Variants in ALK observed in about 807,000 individuals in gnomAD.
ALK encodes ALK tyrosine kinase receptor.
A neutral mutation model predicts 163.1 loss-of-function variants in ALK; 74 were observed. The observed-to-expected ratio is 0.45, with a 90% CI of 0.38 to 0.55. The LOEUF (loss-of-function observed/expected upper bound fraction) is 0.55. Ranked by LOEUF, ALK falls within the 20% of genes least tolerant of loss-of-function variation. The pLI, the probability that ALK is intolerant of heterozygous loss-of-function variation, is 0.00. For missense variants in ALK, 2,063 were observed against 2,105.3 expected, an observed-to-expected ratio of 0.98 and a Z score of 0.39; for synonymous variants, 960 against 843.2, an observed-to-expected ratio of 1.14 and a Z score of -2.40.
intron 3 of ALK, among the ~76,000 whole-genome samples, chr2:29,567,659 C>A (rs530056920): frequency 2.0e-5 from 3 of 152,100 alleles, no homozygotes; most frequent in Admixed American, 6.5e-5. Flanking sequence ...ACAGACTCCC[C>A]GAAACCATTC....
At chr2:29,280,966 T>C (rs546662212) in intron 9 of ALK, among the ~76,000 whole-genome samples, 2 of 152,074 alleles carry the variant, frequency 1.3e-5, no homozygotes, top group Non-Finnish European at 2.9e-5. Context: ...TGAACCACTC[T>C]CGGACCGAGG....
intron 3 of ALK, among the ~76,000 whole-genome samples, chr2:29,560,455 C>T (rs1035012525): frequency 4.6e-5 from 7 of 152,122 alleles, no homozygotes; most frequent in South Asian, 4.1e-4. Flanking sequence ...GCAAATGAGC[C>T]GAAGGCCTTT....
At chr2:29,373,963 C>T (rs1668693756) in intron 5 of ALK, among the ~76,000 whole-genome samples, 1 of 152,242 alleles carries the variant, frequency 6.6e-6, no homozygotes, top group Non-Finnish European at 1.5e-5. Context: ...GCAAGAGAAG[C>T]AGCTGCCTTT....
chr2:29,822,368 A>G (rs1326612152), intron 1 of ALK, among the ~76,000 whole-genome samples: 1 of 152,268 alleles, frequency 6.6e-6, no homozygotes, highest in Non-Finnish European at 1.5e-5. Flanking sequence ...AGACAAAGGC[A>G]GAACAAGTTT....
intron 4 of ALK, among the ~76,000 whole-genome samples, chr2:29,408,886 A>C (rs1207469652): frequency 6.6e-6 from 1 of 152,214 alleles, no homozygotes; most frequent in African/African-American, 2.4e-5. Flanking sequence ...AGATCAAGAA[A>C]AGAACAGAAC....
chr2:29,277,049 C>T (rs1370594105), intron 9 of ALK, among the ~76,000 whole-genome samples: 1 of 152,096 alleles, frequency 6.6e-6, no homozygotes, highest in Non-Finnish European at 1.5e-5. Flanking sequence ...GAACCCAGGC[C>T]ACAGGGCATT....
At chr2:29,786,550 G>A (rs1417024126) in intron 1 of ALK, among the ~76,000 whole-genome samples, 3 of 152,088 alleles carry the variant, frequency 2.0e-5, no homozygotes, top group South Asian at 2.1e-4. Flanking sequence ...AGATCACCAC[G>A]TGGCCACTCC....
Position 29,920,525 on chromosome 2 carries a change from G to T in ALK, c.135C>A (p.Ser45Arg), listed in dbSNP as rs1667966785. 1.2e-6 allele frequency: 2 copies of T among 1,611,550 alleles called. No homozygotes were observed. Among genetic ancestry groups the T allele is most frequent in the Non-Finnish European group, 1.7e-6 (2 of 1,179,390 alleles). The change falls in exon 1 of 29, where the codon AGC becomes AGA. Residue 45 changes from serine (S) to arginine (R), a missense_variant. Physicochemically the swap from Ser to Arg is moderately radical, Grantham distance 110 (BLOSUM62 -1). Around this residue, in one of 5 missense-constraint regions of ALK, gnomAD observed 987 missense variants for 939.5 expected, o/e 1.05. Transcript: ENST00000389048. ...GPPLQPREPL[S>R]YSRLQRKSLA... is the part of the protein sequence containing the mutation. ...GACTCTTCCTCTGCAGGCGCGAGTA[G>T]CTGAGTGGCTCCCGGGGCTGCAGCG...
intron 1 of ALK, among the ~76,000 whole-genome samples, chr2:29,856,071 TGA>T (rs1231864427): frequency 2.6e-5 from 4 of 152,158 alleles, no homozygotes; most frequent in African/African-American, 9.7e-5. Flanking sequence ...AAGAAAGATG[TGA>T]GGTGACTGCC....
intron 15 of ALK, among the ~76,000 whole-genome samples, chr2:29,229,714 T>G (rs1170252088): frequency 6.6e-6 from 1 of 152,078 alleles, no homozygotes; most frequent in Non-Finnish European, 1.5e-5. Flanking sequence ...TACGAAATGC[T>G]CCACAAACTG....
intron 7 of ALK, among the ~76,000 whole-genome samples, chr2:29,320,432 T>G (rs1666992530): frequency 6.6e-6 from 1 of 152,202 alleles, no homozygotes; most frequent in Admixed American, 6.5e-5. Context: ...CTCAATGAAT[T>G]ATGTGCCTGA....
Position 29,708,437 on chromosome 2 carries a change from G to C in ALK, c.787+9141C>G, listed in dbSNP as rs148934873. ...TAGGATTACCAGACCTAGTTCTCTA[G>C]TCCAGTGAATACCCTCACCAGAATC... On this transcript the variant is annotated intron_variant, in intron 2 of 28. Coordinates refer to ENST00000389048, the MANE Select transcript of ALK (RefSeq NM_004304.5). Among the ~76,000 whole-genome samples, 50 of 152,276 alleles carry C rather than the reference G, an allele frequency of 3.3e-4. 1 individual carries two copies. The highest frequency in any genetic ancestry group is 1.2e-3 in the African/African-American group (50 of 41,554).
At chr2:29,425,179 G>A (rs895686934) in intron 4 of ALK, among the ~76,000 whole-genome samples, 2 of 152,160 alleles carry the variant, frequency 1.3e-5, no homozygotes, top group Non-Finnish European at 2.9e-5. Flanking sequence ...AAAATTAAGA[G>A]AAGCTACTAA....
At chr2:29,573,379 A>C (rs1674433366) in intron 3 of ALK, among the ~76,000 whole-genome samples, 1 of 152,262 alleles carries the variant, frequency 6.6e-6, no homozygotes, top group Non-Finnish European at 1.5e-5. Flanking sequence ...CATCAAGGCC[A>C]AATCCAGTCT....
intron 3 of ALK, among the ~76,000 whole-genome samples, chr2:29,658,275 CT>C (rs1307400903): frequency 6.6e-6 from 1 of 152,176 alleles, no homozygotes; most frequent in African/African-American, 2.4e-5. Flanking sequence ...AGCCCAGGCT[CT>C]AGGGCCTCCT....
chr2:29,484,160 G>C (rs1018475053), intron 4 of ALK, among the ~76,000 whole-genome samples: 1 of 152,062 alleles, frequency 6.6e-6, no homozygotes, highest in Admixed American at 6.5e-5. Flanking sequence ...TACAATTCAC[G>C]ATGAGATTTG....
At chr2:29,354,924 G>A (rs576652592) in intron 5 of ALK, among the ~76,000 whole-genome samples, 4 of 151,996 alleles carry the variant, frequency 2.6e-5, no homozygotes, top group Non-Finnish European at 5.9e-5. Context: ...CTGCCACCGC[G>A]CCTGGCTAAT....
intron 8 of ALK, among the ~76,000 whole-genome samples, chr2:29,315,005 T>C (rs1408001495): frequency 2.0e-5 from 3 of 152,182 alleles, no homozygotes; most frequent in Non-Finnish European, 2.9e-5. Context: ...GTGGCAACTT[T>C]AATTATTTGA....
rs540316077 is a variant in ALK at position 29,312,708 on chromosome 2, C to T, written c.1647+5596G>A. ...ACAACTTAGAGGGATCATATGCTAGCTTGGGGTCCTGACCGTGGTCTCCAA... is the reference window on the plus strand; with the variant it reads ...ACAACTTAGAGGGATCATATGCTAGTTTGGGGTCCTGACCGTGGTCTCCAA... On this transcript the variant is annotated intron_variant, in intron 8 of 28. Coordinates refer to ENST00000389048, the MANE Select transcript of ALK (RefSeq NM_004304.5). Among the ~76,000 whole-genome samples the T allele has an allele frequency of 3.9e-5, 6 of 152,300 alleles. No individual in the cohort carries two copies. The East Asian group carries it at 1.2e-3, about 29-fold the overall frequency.
Sources: gnomAD v4.1 joint callset for allele counts (sites outside exome capture counted in the v4.1 genomes callset) on GRCh38, gnomAD v4.1.1 for gene constraint, gnomAD v4.1.1 regional missense constraint, MANE v1.5 for transcripts, NCBI Gene and HGNC (gene_info 2026-07-23, HGNC 2026-07-21) for gene names.